THSD4: variants seen among roughly 807,000 people sequenced by gnomAD.
THSD4 encodes thrombospondin type-1 domain-containing protein 4.
Under a neutral mutation model 119.0 loss-of-function variants are expected in THSD4, and 69 were observed. That is an observed-to-expected ratio of 0.58 (90% CI 0.48 to 0.71). THSD4 has a LOEUF of 0.71. Ranked by LOEUF, THSD4 falls within the 30% of genes least tolerant of loss-of-function variation. The pLI is 0.00. For synonymous variants in THSD4, 524 were observed against 540.4 expected, an observed-to-expected ratio of 0.97 and a Z score of 0.42; for missense variants, 1,393 against 1,391.1, an observed-to-expected ratio of 1.00 and a Z score of -0.02.
intron 7 of THSD4, among the ~76,000 whole-genome samples, chr15:71,497,789 C>T (rs1203861109): frequency 2.6e-5 from 4 of 152,064 alleles, no homozygotes; most frequent in Admixed American, 2.0e-4. Flanking sequence ...AGTTTTCAGT[C>T]ATTGAATATA....
At chr15:71,689,264 C>T (rs757235086) in intron 8 of THSD4, among the ~76,000 whole-genome samples, 33 of 152,146 alleles carry the variant, frequency 2.2e-4, no homozygotes, top group Non-Finnish European at 1.8e-4. Flanking sequence ...CCTGGTTCCT[C>T]GGATGCTCAG....
At chr15:71,697,668 A>G (rs898504518) in intron 8 of THSD4, among the ~76,000 whole-genome samples, 1 of 152,254 alleles carries the variant, frequency 6.6e-6, no homozygotes, top group African/African-American at 2.4e-5. Context: ...CGCACCATGT[A>G]AAACAAAAGA....
chr15:71,242,569 C>G (rs2044162007), intron 4 of THSD4, 80 bp from the exon 5 acceptor site: 5 of 1,471,434 alleles, frequency 3.4e-6, no homozygotes, highest in African/African-American at 1.4e-5. Flanking sequence ...CTGGTCCTCT[C>G]TACCACGGAC....
intron 1 of THSD4, among the ~76,000 whole-genome samples, chr15:71,127,506 G>A (rs1440045519): frequency 6.6e-6 from 1 of 152,070 alleles, no homozygotes; most frequent in Non-Finnish European, 1.5e-5. Flanking sequence ...TTCCATAATG[G>A]CTGTACTAAT....
At chr15:71,204,956 G>A (rs2043831511) in intron 3 of THSD4, among the ~76,000 whole-genome samples, 1 of 152,196 alleles carries the variant, frequency 6.6e-6, no homozygotes, top group Non-Finnish European at 1.5e-5. Context: ...GGCTAAGGAA[G>A]TAGCAGCCTA....
chr15:71,163,183 ATAATATTTCCTTGCTT>A (rs532792808), intron 3 of THSD4, among the ~76,000 whole-genome samples: 49 of 151,606 alleles, frequency 3.2e-4, no homozygotes, highest in African/African-American at 1.2e-3. Context: ...CTTTAGGGGT[ATAATATTTCCTTGCTT>A]TTTCATGTTT....
At position 71,738,027 on chromosome 15, in the gene THSD4, G is replaced by T; in HGVS notation, c.1906+20G>T. 6.2e-7 allele frequency: 1 copy of T among 1,611,782 alleles called. No homozygotes were observed. Among genetic ancestry groups the T allele is most frequent in the Non-Finnish European group, 8.5e-7 (1 of 1,178,732 alleles). On this transcript the variant is annotated intron_variant, in intron 11 of 17. Coordinates refer to ENST00000261862, the MANE Select transcript of THSD4 (RefSeq NM_024817.3). ...GGAAAGGTGAGCCTGTGTGGGGGACGGGTGGATCCCTGCAGAACCCTAAGC... is the reference window on the plus strand; with the variant it reads ...GGAAAGGTGAGCCTGTGTGGGGGACTGGTGGATCCCTGCAGAACCCTAAGC...
Position 71,610,866 on chromosome 15 carries a change from G to C in THSD4, c.1153-49664G>C, listed in dbSNP as rs150119485. Among the ~76,000 whole-genome samples the C allele has an allele frequency of 9.7e-4, 148 of 152,276 alleles. No individual in the cohort carries two copies. The Middle Eastern group carries it at 0.01, about 10-fold the overall frequency. ...GTTATGTCATGGGATGGGGAGTCTA[G>C]AGAGGTGCCCCTAGGTGAGTTGAGA... On this transcript the variant is annotated intron_variant, in intron 7 of 17. Coordinates refer to ENST00000261862, the MANE Select transcript of THSD4 (RefSeq NM_024817.3).
At chr15:71,595,161 T>C (rs1457519711) in intron 7 of THSD4, among the ~76,000 whole-genome samples, 1 of 152,186 alleles carries the variant, frequency 6.6e-6, no homozygotes, top group Non-Finnish European at 1.5e-5. Flanking sequence ...TCTATACAAG[T>C]AATGGGTGAT....
chr15:71,619,583 C>G (rs1369747341), intron 7 of THSD4, among the ~76,000 whole-genome samples: 2 of 152,170 alleles, frequency 1.3e-5, no homozygotes, highest in Non-Finnish European at 2.9e-5. Context: ...TTGCCTGAAA[C>G]AAAGTTTTAC....
chr15:71,375,990 C>T (rs191419038), intron 6 of THSD4, among the ~76,000 whole-genome samples: 36 of 152,258 alleles, frequency 2.4e-4, no homozygotes, highest in South Asian at 8.3e-4. Context: ...TGTCACATAC[C>T]GACTAGGCCC....
intron 7 of THSD4, among the ~76,000 whole-genome samples, chr15:71,438,703 A>G (rs1413412708): frequency 1.3e-5 from 2 of 151,750 alleles, no homozygotes; most frequent in African/African-American, 2.4e-5. Flanking sequence ...AATTCTATGA[A>G]TCTCTGTCTT....
At chr15:71,610,771 A>C (rs1404480101) in intron 7 of THSD4, among the ~76,000 whole-genome samples, 1 of 152,144 alleles carries the variant, frequency 6.6e-6, no homozygotes, top group East Asian at 1.9e-4. Context: ...TTCCTTACAT[A>C]ATGAAAGGTA....
intron 5 of THSD4, among the ~76,000 whole-genome samples, chr15:71,244,888 T>C (rs893940795): frequency 2.0e-5 from 3 of 152,170 alleles, no homozygotes; most frequent in Admixed American, 6.5e-5. Context: ...AAGCAAACCA[T>C]AGAGAGAAAG....
chr15:71,363,397 C>T (rs759875324), intron 6 of THSD4, among the ~76,000 whole-genome samples: 1 of 152,160 alleles, frequency 6.6e-6, no homozygotes, highest in East Asian at 1.9e-4. Context: ...TCAACTTTCC[C>T]TAGAAGCCTG....
At position 71,299,960 on chromosome 15, in the gene THSD4, CAAA is replaced by C. The variant is rs141320911; in HGVS notation, c.1015+43260_1015+43262del. ...CATCATAATGAGACCCTGTCTCTAC[CAAA>C]AAAAAAAAAAAAAATATATATATAT... On this transcript the variant is annotated intron_variant, in intron 6 of 17. Coordinates refer to ENST00000261862, the MANE Select transcript of THSD4 (RefSeq NM_024817.3). Among the ~76,000 whole-genome samples the C allele has an allele frequency of 1.5e-3, 166 of 109,016 alleles. 1 individual carries two copies. Among genetic ancestry groups the C allele is most frequent in the African/African-American group, 4.1e-3 (103 of 25,294 alleles). 71.5% of individuals were successfully genotyped at this position (109,016 alleles called of 152,430 possible).
At chr15:71,735,952 CTT>C (rs1369606450) in intron 10 of THSD4, among the ~76,000 whole-genome samples, 2 of 150,336 alleles carry the variant, frequency 1.3e-5, no homozygotes, top group African/African-American at 4.9e-5. Flanking sequence ...CTCTGTCTCT[CTT>C]GCTGTCTGTC....
chr15:71,728,733 G>T lies in THSD4; in HGVS notation c.1533+9G>T. On this transcript the variant is annotated intron_variant, in intron 9 of 17. Coordinates refer to ENST00000261862, the MANE Select transcript of THSD4 (RefSeq NM_024817.3). The stretch of plus-strand genomic sequence containing the variant: ...AGATCTTGGATGTCTACGTGAGTTT[G>T]GATGTTTCTGGACTGTTCTTTGGAT... 6.2e-7 allele frequency: 1 copy of T among 1,613,646 alleles called. No individual in the cohort carries two copies. The highest frequency in any genetic ancestry group is 8.5e-7 in the Non-Finnish European group (1 of 1,180,014).
chr15:71,104,939 T>C (rs570147548), intron 1 of THSD4, among the ~76,000 whole-genome samples: 3 of 152,310 alleles, frequency 2.0e-5, no homozygotes, highest in South Asian at 2.1e-4. Flanking sequence ...ATGTCCTCTT[T>C]ATAATTTGAT....
Sources: gnomAD v4.1 joint callset for allele counts (sites outside exome capture counted in the v4.1 genomes callset) on GRCh38, gnomAD v4.1.1 for gene constraint, MANE v1.5 for transcripts, NCBI Gene and HGNC (gene_info 2026-07-23, HGNC 2026-07-21) for gene names.